Variants in ERBB4 observed in about 807,000 individuals in gnomAD.
ERBB4 encodes erb-b2 receptor tyrosine kinase 4.
A neutral mutation model predicts 158.0 loss-of-function variants in ERBB4; 42 were observed. The observed-to-expected ratio is 0.27, with a 90% CI of 0.21 to 0.34. The LOEUF is 0.34. Among genes scored for constraint, ERBB4 ranks in the 10% least tolerant of loss-of-function variants. ERBB4 has a pLI of 1.00. For synonymous variants in ERBB4, 583 were observed against 558.7 expected (o/e 1.04, Z -0.61); for missense variants, 1,333 against 1,624.1 (o/e 0.82, Z 3.08).
At chr2:211,859,662 G>A (rs1040086804) in intron 3 of ERBB4, among the ~76,000 whole-genome samples, 1 of 152,106 alleles carries the variant, frequency 6.6e-6, no homozygotes, top group African/African-American at 2.4e-5. Flanking sequence ...TCGTTTTATT[G>A]TAGAAATATT....
At chr2:211,658,692 T>C (rs185020647) in intron 15 of ERBB4, among the ~76,000 whole-genome samples, 28 of 152,254 alleles carry the variant, frequency 1.8e-4, no homozygotes, top group Non-Finnish European at 3.5e-4. Flanking sequence ...ACTACCATAA[T>C]AATGAACGCA....
chr2:212,436,658 T>A (rs1437843712), intron 1 of ERBB4, among the ~76,000 whole-genome samples: 1 of 152,054 alleles, frequency 6.6e-6, no homozygotes, highest in Non-Finnish European at 1.5e-5. Flanking sequence ...GAAGAAAATA[T>A]ATAAATGAAT....
chr2:212,060,573 A>G (rs2077728754), intron 2 of ERBB4, among the ~76,000 whole-genome samples: 1 of 146,438 alleles, frequency 6.8e-6, no homozygotes, highest in African/African-American at 2.4e-5. Context: ...ACGTCCATCA[A>G]TGATAGACTG....
intron 1 of ERBB4, among the ~76,000 whole-genome samples, chr2:212,399,403 G>A (rs2091125436): frequency 6.6e-6 from 1 of 151,346 alleles, no homozygotes; most frequent in Non-Finnish European, 1.5e-5. Context: ...AAGTATTAAG[G>A]GGTTATTTAC....
rs866054006 is a variant in ERBB4 at position 211,967,545 on chromosome 2, G to A, written c.235-19929C>T. On this transcript the variant is annotated intron_variant, in intron 2 of 27. Coordinates refer to ENST00000342788, the MANE Select transcript of ERBB4 (RefSeq NM_005235.3). ...GAATTAGCAACATCTTAAAACTTAC[G>A]AGAAATGGCCCCAAGAATGATGACT... Among the ~76,000 whole-genome samples, 7 of 151,996 alleles carry A rather than the reference G, an allele frequency of 4.6e-5. No homozygotes were observed. The South Asian group carries it at 1.0e-3, about 23-fold the overall frequency.
intron 1 of ERBB4, among the ~76,000 whole-genome samples, chr2:212,530,507 G>A (rs1692695577): frequency 6.6e-6 from 1 of 152,058 alleles, no homozygotes; most frequent in African/African-American, 2.4e-5. Context: ...TGCCACCCAT[G>A]ATCTCTATTA....
intron 20 of ERBB4, among the ~76,000 whole-genome samples, chr2:211,475,552 T>C (rs1463443804): frequency 6.6e-6 from 1 of 152,068 alleles, no homozygotes; most frequent in South Asian, 2.1e-4. Context: ...CATATAAATA[T>C]GGAAGCAAAT....
chr2:212,130,548 T>C (rs995714637), intron 1 of ERBB4, among the ~76,000 whole-genome samples: 4 of 152,094 alleles, frequency 2.6e-5, no homozygotes, highest in African/African-American at 9.7e-5. Context: ...AATATCTATA[T>C]TAAAACTAAA....
At chr2:212,006,107 CACCT>C (rs2076253508) in intron 2 of ERBB4, among the ~76,000 whole-genome samples, 1 of 152,140 alleles carries the variant, frequency 6.6e-6, no homozygotes, top group East Asian at 1.9e-4. Flanking sequence ...CAAAAATGTT[CACCT>C]AACCAATGCA....
chr2:211,861,122 TTTTATATATA>T (rs1211188925), intron 3 of ERBB4, among the ~76,000 whole-genome samples: 5 of 18,198 alleles, frequency 2.7e-4, no homozygotes, highest in African/African-American at 1.3e-3. Context: ...TATATATATA[TTTTATATATA>T]TATATATATA....
intron 2 of ERBB4, among the ~76,000 whole-genome samples, chr2:212,021,291 C>T (rs1400129368): frequency 6.6e-6 from 1 of 151,998 alleles, no homozygotes; most frequent in Non-Finnish European, 1.5e-5. Flanking sequence ...TCAAAAGTGA[C>T]CCTTTAAAAA....
chr2:212,060,990 T>TAAAA (rs889487680), intron 2 of ERBB4, among the ~76,000 whole-genome samples: 3 of 147,662 alleles, frequency 2.0e-5, no homozygotes, highest in African/African-American at 7.6e-5. Flanking sequence ...AATAAATAAA[T>TAAAA]AAAATAAAAA....
chr2:211,637,552 C>T (rs1330330345), intron 16 of ERBB4, among the ~76,000 whole-genome samples: 1 of 151,982 alleles, frequency 6.6e-6, no homozygotes, highest in Non-Finnish European at 1.5e-5. Context: ...CATTCCCTTT[C>T]ATAGAGGTAA....
intron 1 of ERBB4, among the ~76,000 whole-genome samples, chr2:212,188,111 C>T (rs1326669781): frequency 1.3e-5 from 2 of 150,928 alleles, no homozygotes; most frequent in African/African-American, 4.9e-5. Flanking sequence ...AATCCAGTTG[C>T]TCAAGTCAGA....
chr2:211,788,672 C>G (rs1158786057), intron 3 of ERBB4, among the ~76,000 whole-genome samples: 1 of 152,046 alleles, frequency 6.6e-6, no homozygotes, highest in Non-Finnish European at 1.5e-5. Context: ...ACATGACATT[C>G]CAAGGTCATA....
At chr2:211,807,838 T>C (rs1480303327) in intron 3 of ERBB4, among the ~76,000 whole-genome samples, 3 of 152,210 alleles carry the variant, frequency 2.0e-5, no homozygotes, top group African/African-American at 7.2e-5. Context: ...TGAGATGGTA[T>C]CTCATTGTGG....
chr2:212,411,112 A>C (rs959377957), intron 1 of ERBB4, among the ~76,000 whole-genome samples: 2 of 152,148 alleles, frequency 1.3e-5, no homozygotes, highest in Non-Finnish European at 2.9e-5. Flanking sequence ...CTCAAGTTGA[A>C]GTAATACAAT....
intron 2 of ERBB4, among the ~76,000 whole-genome samples, chr2:212,058,661 A>C (rs1030018501): frequency 6.6e-6 from 1 of 152,256 alleles, no homozygotes; most frequent in African/African-American, 2.4e-5. Context: ...AACGTAATAC[A>C]GCATATAAAA....
intron 3 of ERBB4, among the ~76,000 whole-genome samples, chr2:211,834,973 G>T (rs913248934): frequency 1.3e-5 from 2 of 151,962 alleles, no homozygotes; most frequent in Non-Finnish European, 2.9e-5. Flanking sequence ...GCTAATGTAG[G>T]CCAAAGCTTT....
Sources: gnomAD v4.1 joint callset for allele counts (sites outside exome capture counted in the v4.1 genomes callset) on GRCh38, gnomAD v4.1.1 for gene constraint, MANE v1.5 for transcripts, NCBI Gene and HGNC (gene_info 2026-07-23, HGNC 2026-07-21) for gene names.